The following DNM3 variants were observed in gnomAD, a reference collection of about 807,000 sequenced individuals.
DNM3 encodes the protein dynamin-3.
Under a neutral mutation model 101.6 loss-of-function variants are expected in DNM3, and 47 were observed. The observed-to-expected ratio is 0.46, with a 90% confidence interval of 0.37 to 0.59. The LOEUF is 0.59. Among genes scored for constraint, DNM3 ranks in the 20% least tolerant of loss-of-function variants. The pLI, the probability that DNM3 is intolerant of heterozygous loss-of-function variation, is 0.00. For missense variants in DNM3, 849 were observed against 1,085.7 expected, an observed-to-expected ratio of 0.78 and a Z score of 3.06; for synonymous variants, 385 against 387.9, an observed-to-expected ratio of 0.99 and a Z score of 0.09.
At chr1:171,883,408 CACACA>C (rs1558209852) in intron 1 of DNM3, among the ~76,000 whole-genome samples, 32 of 106,446 alleles carry the variant, frequency 3.0e-4, no homozygotes, top group Non-Finnish European at 3.7e-4. Flanking sequence ...CACACACACA[CACACA>C]CCCTGTCAGA....
At chr1:172,404,419 C>T (rs2070733846) in intron 20 of DNM3, among the ~76,000 whole-genome samples, 1 of 152,034 alleles carries the variant, frequency 6.6e-6, no homozygotes, top group Non-Finnish European at 1.5e-5. Context: ...ATAAGACTAA[C>T]AATAGACCTG....
chr1:172,289,630 T>C, intron 15 of DNM3: 2 of 980,016 alleles, frequency 2.0e-6, no homozygotes, highest in Non-Finnish European at 2.4e-6. Flanking sequence ...TTTTCCAACT[T>C]GCTCAATTTA....
intron 8 of DNM3, among the ~76,000 whole-genome samples, chr1:172,043,544 G>A (rs2049549010): frequency 6.6e-6 from 1 of 152,162 alleles, no homozygotes; most frequent in Non-Finnish European, 1.5e-5. Flanking sequence ...ATGAATCCCA[G>A]CTCAAGTGTG....
intron 13 of DNM3, among the ~76,000 whole-genome samples, chr1:172,097,522 T>C (rs2054326774): frequency 1.3e-5 from 2 of 152,208 alleles, no homozygotes; most frequent in Non-Finnish European, 2.9e-5. Flanking sequence ...AGTTTCACTG[T>C]TGTCAATAAA....
intron 14 of DNM3, among the ~76,000 whole-genome samples, chr1:172,153,760 A>G (rs2058232967): frequency 6.6e-6 from 1 of 152,156 alleles, no homozygotes; most frequent in Non-Finnish European, 1.5e-5. Flanking sequence ...CTAGGTGTGC[A>G]TTCTTAAAAA....
chr1:171,924,212 G>A (rs2040389554), intron 2 of DNM3, among the ~76,000 whole-genome samples: 1 of 152,004 alleles, frequency 6.6e-6, no homozygotes, highest in African/African-American at 2.4e-5. Context: ...GGGATTGCTG[G>A]GTCAAATGGT....
Position 172,380,155 on chromosome 1 carries a change from AG to A in DNM3, c.2058+974del, listed in dbSNP as rs571662730. Among the ~76,000 whole-genome samples, 270 of 152,176 alleles carry A rather than the reference AG, an allele frequency of 1.8e-3. 2 individuals are homozygous for A. Among genetic ancestry groups the A allele is most frequent in the African/African-American group, 6.1e-3 (252 of 41,560 alleles). On this transcript the variant is annotated intron_variant, in intron 18 of 20. Transcript: ENST00000627582. ...CTACAGACTCTGTTGACCTAAGGTGAGTCTCTTTCATGTGTCTGTTTCCTCC... is the reference window on the plus strand; with the variant it reads ...CTACAGACTCTGTTGACCTAAGGTGATCTCTTTCATGTGTCTGTTTCCTCC...
At chr1:171,944,020 A>G (rs1479853154) in intron 2 of DNM3, among the ~76,000 whole-genome samples, 1 of 152,122 alleles carries the variant, frequency 6.6e-6, no homozygotes, top group East Asian at 1.9e-4. Context: ...TCAGCAATCT[A>G]TTTCTGTAAA....
Position 172,340,847 on chromosome 1 carries a change from G to A in DNM3, c.1893+17507G>A, listed in dbSNP as rs182215507. On this transcript the variant is annotated intron_variant, in intron 17 of 20. Coordinates refer to ENST00000627582, the MANE Select transcript of DNM3 (RefSeq NM_015569.5). ...AAGACTTCCAATACTGTGTTGAATAGGAGTTGGGAGAGAGGGCATTCTTGT... is the reference window on the plus strand; with the variant it reads ...AAGACTTCCAATACTGTGTTGAATAAGAGTTGGGAGAGAGGGCATTCTTGT... 3.2e-4 allele frequency among the ~76,000 whole-genome samples: 48 copies of A among 152,326 alleles called. 1 individual carries two copies. In the East Asian group the frequency reaches 6.6e-3, roughly 21 times the overall value.
intron 1 of DNM3, among the ~76,000 whole-genome samples, chr1:171,897,837 A>G (rs952446138): frequency 1.3e-5 from 2 of 152,156 alleles, no homozygotes; most frequent in Non-Finnish European, 2.9e-5. Context: ...ATACAGTTAA[A>G]TGTTTAAATT....
At chr1:172,288,051 T>G (rs1173987089) in intron 15 of DNM3, among the ~76,000 whole-genome samples, 2 of 152,186 alleles carry the variant, frequency 1.3e-5, no homozygotes, top group East Asian at 3.8e-4. Context: ...CACTTTATTC[T>G]GTCATGCATT....
chr1:171,919,909 A>G (rs2040022109), intron 1 of DNM3, among the ~76,000 whole-genome samples: 1 of 152,156 alleles, frequency 6.6e-6, no homozygotes, highest in Non-Finnish European at 1.5e-5. Flanking sequence ...TGCCCACAGC[A>G]TCTCCCTAGC....
At chr1:172,218,987 TA>T (rs2060804980) in intron 14 of DNM3, among the ~76,000 whole-genome samples, 1 of 152,126 alleles carries the variant, frequency 6.6e-6, no homozygotes, top group Non-Finnish European at 1.5e-5. Context: ...TTTTAAAAAT[TA>T]AATTAATTAT....
In DNM3 at chr1:171,933,010, A is replaced by G. The variant is rs185538854; in HGVS notation, c.235+11189A>G. On this transcript the variant is annotated intron_variant, in intron 2 of 20. Coordinates refer to ENST00000627582, the MANE Select transcript of DNM3 (RefSeq NM_015569.5). ...CATTCCTTCTTTTTTTTTCCTGTTAATCAGTGAGGATCATAGCACACATAG... is the reference window on the plus strand; with the variant it reads ...CATTCCTTCTTTTTTTTTCCTGTTAGTCAGTGAGGATCATAGCACACATAG... Among the ~76,000 whole-genome samples, 193 of 152,068 alleles carry G rather than the reference A, an allele frequency of 1.3e-3. 1 individual carries two copies. Among genetic ancestry groups the G allele is most frequent in the African/African-American group, 4.5e-3 (187 of 41,478 alleles).
intron 14 of DNM3, among the ~76,000 whole-genome samples, chr1:172,223,146 T>C (rs1051123697): frequency 3.9e-5 from 6 of 152,052 alleles, no homozygotes; most frequent in Non-Finnish European, 7.4e-5. Flanking sequence ...ATAGTCACCA[T>C]ACTGTGCAAT....
At chr1:172,093,302 G>A (rs1208082870) in intron 13 of DNM3, among the ~76,000 whole-genome samples, 5 of 152,102 alleles carry the variant, frequency 3.3e-5, no homozygotes, top group Admixed American at 2.6e-4. Context: ...CATGAAGAAC[G>A]CAGTTGTTGG....
At chr1:172,113,707 CT>C (rs1311724679) in intron 13 of DNM3, among the ~76,000 whole-genome samples, 1 of 148,532 alleles carries the variant, frequency 6.7e-6, no homozygotes, top group Non-Finnish European at 1.5e-5. Flanking sequence ...AAAAATTGGT[CT>C]TGACAAAAGT....
At chr1:172,157,454 C>G (rs1247652610) in intron 14 of DNM3, among the ~76,000 whole-genome samples, 1 of 152,032 alleles carries the variant, frequency 6.6e-6, no homozygotes, top group African/African-American at 2.4e-5. Context: ...GAGGATTAAA[C>G]AAGATAATAC....
chr1:172,126,384 A>T (rs1296608692), intron 13 of DNM3, among the ~76,000 whole-genome samples: 2 of 152,190 alleles, frequency 1.3e-5, no homozygotes, highest in African/African-American at 4.8e-5. Flanking sequence ...AGCATATTGC[A>T]TTGCAAGTGA....
Sources: allele counts gnomAD v4.1 joint callset (sites outside exome capture counted in the v4.1 genomes callset), GRCh38; gene constraint gnomAD v4.1.1; transcripts MANE v1.5; gene names NCBI Gene and HGNC (gene_info 2026-07-23, HGNC 2026-07-21).